Variants in ZNF75D observed in about 807,000 individuals in gnomAD.
ZNF75D encodes the protein zinc finger protein 75.
In ZNF75D, 33 loss-of-function variants were observed where a neutral mutation model predicts 33.3. That is an observed-to-expected ratio of 0.99 (90% confidence interval 0.75 to 1.32). The LOEUF (loss-of-function observed/expected upper bound fraction) is 1.32. Among genes scored for constraint, ZNF75D ranks in the 40% most tolerant of loss-of-function variants. The probability of loss-of-function intolerance (pLI) is 0.00; values close to 1 mark genes in which losing one functional copy is unlikely to be tolerated. For missense variants in ZNF75D, 338 were observed against 367.5 expected, an observed-to-expected ratio of 0.92 and a Z score of 0.66; for synonymous variants, 113 against 130.6, an observed-to-expected ratio of 0.87 and a Z score of 0.92.
intron 1 of ZNF75D, among the ~76,000 whole-genome samples, chrX:135,322,357 C>CA (rs1399886503): frequency 1.8e-5 from 2 of 111,552 alleles, no homozygotes; most frequent in Non-Finnish European, 3.8e-5. Flanking sequence ...AAAACTAATA[C>CA]AAAGGCCTTA....
At chrX:135,259,069 T>A (rs1556415037) in intron 1 of ZNF75D, among the ~76,000 whole-genome samples, 1 of 112,295 alleles carries the variant, frequency 8.9e-6, no homozygotes, top group African/African-American at 3.2e-5. Flanking sequence ...CCCCATTTCT[T>A]GTTTTTGTCA....
rs1402988284 is a variant in ZNF75D, at chrX:135,342,207, T to G, written c.-830A>C. 8.9e-6 allele frequency: 1 copy of G among 112,104 alleles called. No homozygotes were observed. The highest frequency in any genetic ancestry group is 2.8e-4 in the East Asian group (1 of 3,587). 9.2% of individuals were successfully genotyped at this position (112,104 alleles called of 1,213,427 possible). On this transcript the variant is annotated 5_prime_UTR_variant, in exon 1 of 7. Transcript: ENST00000370766. ...CTTCAGGGCTCCTCTAAGTATCCAT[T>G]GGCTCCAGTTTGAAATCTCAGTATC...
chrX:135,331,470 T>C (rs1023181446), intron 1 of ZNF75D, among the ~76,000 whole-genome samples: 16 of 109,761 alleles, frequency 1.5e-4, no homozygotes, highest in African/African-American at 4.0e-4. Context: ...ATGTAGGCAA[T>C]TGGTCACTGA....
At chrX:135,291,371 C>T (rs1168389486) in intron 5 of ZNF75D, 101 bp downstream of exon 5, 19 of 1,027,234 alleles carry the variant, frequency 1.8e-5, no homozygotes, top group Admixed American at 7.6e-5. Context: ...GCTAAAATGC[C>T]TCAAAGCACC....
At chrX:135,291,679 AGT>A (rs1346312088) in intron 4 of ZNF75D, 116 bp from the exon 5 acceptor site, 17 of 1,038,368 alleles carry the variant, frequency 1.6e-5, no homozygotes, top group African/African-American at 3.8e-5. Flanking sequence ...CACATTGACA[AGT>A]GTGTGTGTGG....
At chrX:135,271,114 A>G (rs934806953) in intron 1 of ZNF75D, among the ~76,000 whole-genome samples, 2 of 111,502 alleles carry the variant, frequency 1.8e-5, no homozygotes, top group Non-Finnish European at 3.8e-5. Flanking sequence ...TAATGCTACA[A>G]CTGAGTTTTC....
intron 1 of ZNF75D, among the ~76,000 whole-genome samples, chrX:135,276,706 T>C (rs1160713452): frequency 9.3e-6 from 1 of 107,221 alleles, no homozygotes; most frequent in African/African-American, 3.4e-5. Context: ...TGTATTCTCA[T>C]TGTTCAACTC....
At chrX:135,271,100 T>C (rs1556416932) in intron 1 of ZNF75D, among the ~76,000 whole-genome samples, 1 of 111,621 alleles carries the variant, frequency 9.0e-6, no homozygotes, top group African/African-American at 3.3e-5. Context: ...TTCTGTTTCC[T>C]CTATAATGCT....
At chrX:135,314,102 T>A (rs782126593) in intron 1 of ZNF75D, among the ~76,000 whole-genome samples, 1 of 111,907 alleles carries the variant, frequency 8.9e-6, no homozygotes, top group Non-Finnish European at 1.9e-5. Flanking sequence ...CTTTTCCCCA[T>A]GAAGTATGAT....
chrX:135,328,453 T>A (rs2084609720), intron 1 of ZNF75D, among the ~76,000 whole-genome samples: 1 of 111,468 alleles, frequency 9.0e-6, no homozygotes, highest in Admixed American at 9.5e-5. Flanking sequence ...TTCCATGATT[T>A]TCCTGTGCCT....
At chrX:135,334,536 C>A (rs978492514) in intron 1 of ZNF75D, among the ~76,000 whole-genome samples, 2 of 111,937 alleles carry the variant, frequency 1.8e-5, no homozygotes, top group Non-Finnish European at 3.8e-5. Flanking sequence ...CACTGCTCGG[C>A]CTTCTAGGGG....
At chrX:135,339,626 G>A (rs933383) in intron 1 of ZNF75D, among the ~76,000 whole-genome samples, 40,212 of 110,722 alleles carry the variant, frequency 0.36, 5,435 homozygotes, top group East Asian at 0.52. Context: ...CTCCAGGGTC[G>A]CTGCATACAT....
rs782609409 is a variant in ZNF75D at position 135,287,330 on chromosome X, T to C, written c.1340A>G (p.Lys447Arg). The change falls in exon 7 of 7, where the codon AAG becomes AGG. Residue 447 changes from lysine (K) to arginine (R), a missense_variant. Lys to Arg is a conservative substitution (Grantham distance 26, BLOSUM62 2). This residue lies in a region of ZNF75D where 79 missense variants were observed against 80.1 expected (regional missense o/e 0.99). Coordinates refer to ENST00000370766, the MANE Select transcript of ZNF75D (RefSeq NM_007131.5). The part of the protein sequence containing the change: ...HTHQRIHTGE[K>R]PFKCDECGKR... ...TCCACATTCATCACATTTAAAGGGC[T>C]TCTCTCCTGTGTGAATTCTTTGGTG... The C allele has an allele frequency of 2.5e-6, 3 of 1,210,656 alleles. No homozygotes were observed. Among genetic ancestry groups the C allele is most frequent in the African/African-American group, 3.5e-5 (2 of 57,435 alleles).
intron 1 of ZNF75D, among the ~76,000 whole-genome samples, chrX:135,321,828 G>A (rs1423608015): frequency 8.9e-6 from 1 of 112,139 alleles, no homozygotes; most frequent in African/African-American, 3.2e-5. Flanking sequence ...TGGAAGGCCT[G>A]AGAGTTTGCA....
At chrX:135,320,802 T>C (rs1192490337) in intron 1 of ZNF75D, among the ~76,000 whole-genome samples, 1 of 111,513 alleles carries the variant, frequency 9.0e-6, no homozygotes, top group Non-Finnish European at 1.9e-5. Context: ...TCCAATGCAT[T>C]ATGGGATTTG....
At chrX:135,299,464 A>T (rs1556423975) in intron 1 of ZNF75D, among the ~76,000 whole-genome samples, 1 of 111,730 alleles carries the variant, frequency 9.0e-6, no homozygotes, top group Non-Finnish European at 1.9e-5. Context: ...TCCTTTGCTC[A>T]TTTTTAACTG....
chrX:135,325,584 G>A (rs782557831), intron 1 of ZNF75D, among the ~76,000 whole-genome samples: 199 of 112,694 alleles, frequency 1.8e-3, no homozygotes, highest in African/African-American at 6.1e-3. Context: ...GGCAATGAGG[G>A]ACGTAGCACC....
At chrX:135,304,467 C>T (rs1334422704) in intron 1 of ZNF75D, among the ~76,000 whole-genome samples, 1 of 111,521 alleles carries the variant, frequency 9.0e-6, no homozygotes, top group African/African-American at 3.3e-5. Context: ...CCCCTGTAGC[C>T]TGAATGGTAA....
At chrX:135,275,974 A>G (rs1288177226) in intron 1 of ZNF75D, among the ~76,000 whole-genome samples, 1 of 111,578 alleles carries the variant, frequency 9.0e-6, no homozygotes, top group African/African-American at 3.3e-5. Context: ...TTCTTAATCC[A>G]TGGCAATGGT....
Sources: allele counts gnomAD v4.1 joint callset (sites outside exome capture counted in the v4.1 genomes callset), GRCh38; gene constraint gnomAD v4.1.1; regional missense constraint gnomAD v4.1.1; transcripts MANE v1.5; gene names NCBI Gene and HGNC (gene_info 2026-07-23, HGNC 2026-07-21).